SCN8A: variants seen among roughly 807,000 people sequenced by gnomAD.
SCN8A encodes sodium voltage-gated channel alpha subunit 8.
A neutral mutation model predicts 184.1 loss-of-function variants in SCN8A; 30 were observed. The ratio of observed to expected loss-of-function variants is 0.16; its 90% confidence interval spans 0.12 to 0.22. The LOEUF (loss-of-function observed/expected upper bound fraction) is 0.22. Ranked by LOEUF, SCN8A falls within the 10% of genes least tolerant of loss-of-function variation. SCN8A has a pLI of 1.00. For missense variants in SCN8A, 1,057 were observed against 2,498.9 expected, an observed-to-expected ratio of 0.42 and a Z score of 12.30; for synonymous variants, 852 against 907.0, an observed-to-expected ratio of 0.94 and a Z score of 1.09.
At position 51,807,334 on chromosome 12, in the gene SCN8A, G is replaced by A; in HGVS notation, c.5848G>A (p.Val1950Ile). Residue 1950 changes from valine (V) to isoleucine (I), a missense_variant, in exon 27 of 27, where the codon GTA becomes ATA. Physicochemically the swap from Val to Ile is conservative, Grantham distance 29 (BLOSUM62 3). Transcript: ENST00000627620. This position sits in a 1 kb window ranked among gnomAD's most constrained non-coding sequence, Gnocchi z 4.5. ...AGCCTCCCTCCCGTCCTATGACAGT[G>A]TAACTAAACCTGAAAAGGAGAAACA... ...STASLPSYDS[V>I]TKPEKEKQQR... is the part of the protein sequence containing the mutation. The A allele has an allele frequency of 6.2e-7, 1 of 1,613,874 alleles. No homozygotes were observed. Among genetic ancestry groups the A allele is most frequent in the African/African-American group, 1.3e-5 (1 of 75,032 alleles).
intron 14 of SCN8A, among the ~76,000 whole-genome samples, chr12:51,754,537 A>G (rs548595349): frequency 3.3e-5 from 5 of 152,250 alleles, no homozygotes; most frequent in African/African-American, 1.2e-4. Flanking sequence ...TATAGCCCTG[A>G]TTGTGAGTTA....
At chr12:51,656,602 C>T (rs1565876175) in intron 1 of SCN8A, among the ~76,000 whole-genome samples, 1 of 152,028 alleles carries the variant, frequency 6.6e-6, no homozygotes, top group Non-Finnish European at 1.5e-5. Context: ...TGCAGTTTAA[C>T]CCAATAGGAA....
rs922012140 is a variant in SCN8A, at chr12:51,634,653, A to T, written c.-54-28111A>T. Reference sequence around the variant, plus strand: ...AATACGTATTATTATTATTATTATTATTATTTTTTTTTTTTGAGACTGAGT... The same window carrying T: ...AATACGTATTATTATTATTATTATTTTTATTTTTTTTTTTTGAGACTGAGT... On this transcript the variant is annotated intron_variant, in intron 1 of 26. Coordinates refer to ENST00000627620, the MANE Select transcript of SCN8A (RefSeq NM_001330260.2). Among the ~76,000 whole-genome samples, 479 of 62,440 alleles carry T rather than the reference A, an allele frequency of 7.7e-3. 1 individual carries two copies. The highest frequency in any genetic ancestry group is 0.019 in the African/African-American group (400 of 20,676). The allele number at this position is 62,440 out of a possible 152,430, so 41.0% of individuals were successfully genotyped here. A position where few individuals can be genotyped will look rare whatever the true frequency, so the allele number is the denominator to read the frequency against.
intron 1 of SCN8A, among the ~76,000 whole-genome samples, chr12:51,627,059 A>G (rs527896180): frequency 6.6e-5 from 10 of 152,262 alleles, no homozygotes; most frequent in African/African-American, 1.7e-4. Flanking sequence ...AGTTATATGT[A>G]TGTGTGGCTG....
At chr12:51,702,321 CAAAAAA>C (rs747855764) in intron 8 of SCN8A, among the ~76,000 whole-genome samples, 10 of 76,572 alleles carry the variant, frequency 1.3e-4, no homozygotes, top group African/African-American at 4.4e-4. Flanking sequence ...GACTCTGTAT[CAAAAAA>C]AAAAAAAAAA....
chr12:51,792,598 C>T (rs879699661), intron 25 of SCN8A, among the ~76,000 whole-genome samples: 14 of 150,820 alleles, frequency 9.3e-5, no homozygotes, highest in African/African-American at 1.5e-4. Flanking sequence ...CAGGGGGTGG[C>T]GAGCCAGAGG....
chr12:51,673,014 A>AT (rs551489431), intron 2 of SCN8A, among the ~76,000 whole-genome samples: 6 of 152,048 alleles, frequency 3.9e-5, no homozygotes, highest in East Asian at 3.9e-4. Flanking sequence ...TTGCAGGATG[A>AT]TTTTTTTGGT....
intron 1 of SCN8A, among the ~76,000 whole-genome samples, chr12:51,649,205 C>T (rs976433625): frequency 1.1e-4 from 17 of 152,344 alleles, no homozygotes; most frequent in African/African-American, 3.8e-4. Context: ...TGGGCTGCTC[C>T]ACCCTTGTGG....
intron 2 of SCN8A, among the ~76,000 whole-genome samples, chr12:51,666,167 T>C (rs2138676928): frequency 6.6e-6 from 1 of 152,328 alleles, no homozygotes; most frequent in East Asian, 1.9e-4. Flanking sequence ...AACTAAATTA[T>C]GTGGGCAGGC....
chr12:51,769,737 C>T (rs1055873018), intron 17 of SCN8A, 131 bp from the exon 18 acceptor site: 12 of 681,206 alleles, frequency 1.8e-5, no homozygotes, highest in East Asian at 1.1e-4. Context: ...GTTTGCTTAT[C>T]GCGAGTTGTA....
chr12:51,758,003 T>C (rs1942703081), intron 14 of SCN8A, among the ~76,000 whole-genome samples: 1 of 152,174 alleles, frequency 6.6e-6, no homozygotes, highest in Non-Finnish European at 1.5e-5. Flanking sequence ...AATTAAAGAA[T>C]TACAATAATA....
intron 12 of SCN8A, among the ~76,000 whole-genome samples, chr12:51,731,246 CT>C (rs998591664): frequency 4.6e-4 from 67 of 146,548 alleles, no homozygotes; most frequent in Middle Eastern, 3.5e-3. Flanking sequence ...TTTTCTTCTT[CT>C]TTTTTTTTTT....
chr12:51,745,985 A>C lies in SCN8A; in HGVS notation c.2081A>C (p.Lys694Thr), dbSNP rs776230064. The change falls in exon 13 of 27, where the codon AAG becomes ACG. Residue 694 changes from lysine (K) to threonine (T), a missense_variant. Transcript: ENST00000627620. Reference sequence around the variant, plus strand: ...GACCAATTAGCCTCCTACGGGCGGAAGGACAGAATCAACAGTATAATGAGT... The same window carrying C: ...GACCAATTAGCCTCCTACGGGCGGACGGACAGAATCAACAGTATAATGAGT... Reference protein sequence around the residue: ...SMDQLASYGRKDRINSIMSVV... With the variant: ...SMDQLASYGRTDRINSIMSVV... 6.2e-7 allele frequency: 1 copy of C among 1,612,294 alleles called. No homozygotes were observed. The highest frequency in any genetic ancestry group is 8.5e-7 in the Non-Finnish European group (1 of 1,179,072).
chr12:51,699,085 C>T (rs887191409), intron 6 of SCN8A, among the ~76,000 whole-genome samples: 3 of 152,190 alleles, frequency 2.0e-5, no homozygotes, highest in African/African-American at 7.2e-5. Context: ...GCTACTGAAA[C>T]ACTAGTAACA....
At chr12:51,768,715 T>A in intron 16 of SCN8A, 150 bp from the exon 17 acceptor site, 1 of 582,454 alleles carries the variant, frequency 1.7e-6, no homozygotes, top group Non-Finnish European at 2.9e-6. Flanking sequence ...CCTGGTAACA[T>A]GAGCATTAAA....
chr12:51,626,740 C>T (rs1816314392), intron 1 of SCN8A, among the ~76,000 whole-genome samples: 1 of 151,594 alleles, frequency 6.6e-6, no homozygotes, highest in Non-Finnish European at 1.5e-5. Flanking sequence ...CTTTCTCTTA[C>T]CTCTCCCACC....
intron 12 of SCN8A, among the ~76,000 whole-genome samples, chr12:51,738,423 C>T (rs1050294976): frequency 5.3e-5 from 8 of 152,190 alleles, no homozygotes; most frequent in Non-Finnish European, 7.3e-5. Flanking sequence ...GAATTGGCCA[C>T]GTGGACAGCC....
At chr12:51,754,424 A>T (rs1388940752) in intron 14 of SCN8A, among the ~76,000 whole-genome samples, 1 of 152,062 alleles carries the variant, frequency 6.6e-6, no homozygotes, top group Admixed American at 6.5e-5. Flanking sequence ...TCTCCTACAT[A>T]ACCATAGTAT....
At chr12:51,627,866 A>C (rs1490985519) in intron 1 of SCN8A, among the ~76,000 whole-genome samples, 1 of 152,242 alleles carries the variant, frequency 6.6e-6, no homozygotes, top group Non-Finnish European at 1.5e-5. Flanking sequence ...ACTAGGGAGC[A>C]TTCATATTTT....
Sources: gnomAD v4.1 joint callset for allele counts (sites outside exome capture counted in the v4.1 genomes callset) on GRCh38, gnomAD v4.1.1 for gene constraint, Gnocchi (gnomAD v3.1) non-coding constraint, MANE v1.5 for transcripts, NCBI Gene and HGNC (gene_info 2026-07-23, HGNC 2026-07-21) for gene names.